Variants in MX2 observed in about 807,000 individuals in gnomAD.
The protein encoded by MX2 is interferon-induced GTP-binding protein Mx2.
In MX2, 51 loss-of-function variants were observed where a neutral mutation model predicts 74.0. The observed-to-expected ratio is 0.69, with a 90% CI of 0.55 to 0.87. MX2 has a LOEUF of 0.87. Among genes scored for constraint, MX2 ranks in the 40% least tolerant of loss-of-function variants. The pLI is 0.00. For synonymous variants in MX2, 369 were observed against 339.3 expected, an observed-to-expected ratio of 1.09 and a Z score of -0.96; for missense variants, 832 against 908.7, an observed-to-expected ratio of 0.92 and a Z score of 1.09.
intron 12 of MX2, 36 bp from the exon 13 acceptor site, chr21:41,406,702 GAAGAAA>G: frequency 6.3e-7 from 1 of 1,582,974 alleles, no homozygotes; most frequent in Non-Finnish European, 8.6e-7. Flanking sequence ...CAACAGGAAA[GAAGAAA>G]AAGAAGTAAT....
At position 41,366,767 on chromosome 21, in the gene MX2, A is replaced by C. The variant is rs901062789; in HGVS notation, c.-72+4712A>C. ...CTCTATCTTATCAGGAACCAGTTCT[A>C]GGTTCCTAACCTGGTCTGACCCCGG... On this transcript the variant is annotated intron_variant, in intron 1 of 13. Transcript: ENST00000330714. The surrounding 1 kb of genome is among the most constrained non-coding windows in gnomAD (Gnocchi z 4.5). 1 of 152,218 alleles carries C rather than the reference A, an allele frequency of 6.6e-6. No homozygotes were observed. Among genetic ancestry groups the C allele is most frequent in the Non-Finnish European group, 1.5e-5 (1 of 68,128 alleles). The allele number at this position is 152,218 out of a possible 1,614,324, so 9.4% of individuals were successfully genotyped here.
chr21:41,401,602 C>G (rs748915373), intron 10 of MX2: 49 of 164,842 alleles, frequency 3.0e-4, no homozygotes, highest in Middle Eastern at 2.9e-3. Context: ...TCTCGGACTC[C>G]TGGCCTCAAG....
At chr21:41,382,259 C>T (rs538784863) in intron 4 of MX2, 151 bp from the exon 5 acceptor site, 4 of 994,794 alleles carry the variant, frequency 4.0e-6, no homozygotes, top group South Asian at 1.8e-5. Flanking sequence ...TCTGAGATCC[C>T]TCTGCAGGCT....
At chr21:41,386,157 T>G (rs2089570442) in intron 5 of MX2, among the ~76,000 whole-genome samples, 1 of 136,406 alleles carries the variant, frequency 7.3e-6, no homozygotes, top group Admixed American at 8.1e-5. Context: ...GAGGCGGAGC[T>G]TGCAGTGAGC....
chr21:41,386,727 G>A (rs1289119953), intron 5 of MX2, among the ~76,000 whole-genome samples: 3 of 152,180 alleles, frequency 2.0e-5, no homozygotes, highest in African/African-American at 4.8e-5. Flanking sequence ...GGAATTCCTC[G>A]ATTCTTTGAC....
In MX2 at chr21:41,382,459, C is replaced by T. The variant is rs765510136; in HGVS notation, c.627C>T (p.Ile209=). 1 of 1,614,206 alleles carries T rather than the reference C, an allele frequency of 6.2e-7. No homozygotes were observed. The highest frequency in any genetic ancestry group is 8.5e-7 in the Non-Finnish European group (1 of 1,180,046). ...GCCGGGGCATCAGCCATGAGCTCAT[C>T]AGCCTGGAGATCACCTCCCCTGAGG... The part of the protein sequence containing the change: ...GNGRGISHEL[I]SLEITSPEVP... The change falls in exon 5 of 14, where the codon ATC becomes ATT. Residue 209 remains isoleucine (I), a synonymous_variant. Coordinates refer to ENST00000330714, the MANE Select transcript of MX2 (RefSeq NM_002463.2).
intron 12 of MX2, chr21:41,404,873 C>CAAAAAAA (rs547207365): frequency 2.2e-4 from 15 of 68,836 alleles, no homozygotes; most frequent in African/African-American, 4.4e-4. Context: ...CACATATACT[C>CAAAAAAA]AAAAAAAAAA....
chr21:41,372,591 A>G (rs2089339606), intron 1 of MX2, among the ~76,000 whole-genome samples: 2 of 152,170 alleles, frequency 1.3e-5, no homozygotes. Context: ...CTTCTCAACT[A>G]AAAGCTTCTA....
At chr21:41,373,028 A>G (rs889497786) in intron 1 of MX2, 14 of 152,220 alleles carry the variant, frequency 9.2e-5, no homozygotes, top group Non-Finnish European at 1.9e-4. Flanking sequence ...CTGGGGCCTT[A>G]TTGCAGCTGG....
At chr21:41,376,730 G>A (rs1368730439) in intron 1 of MX2, 106 bp from the exon 2 acceptor site, 3 of 790,516 alleles carry the variant, frequency 3.8e-6, no homozygotes, top group East Asian at 2.6e-5. Context: ...GCATCTGTGT[G>A]TAGGGGGTAG....
chr21:41,383,681 G>C (rs1292130578), intron 5 of MX2, among the ~76,000 whole-genome samples: 1 of 152,218 alleles, frequency 6.6e-6, no homozygotes, highest in African/African-American at 2.4e-5. Flanking sequence ...GCAGCCCTAA[G>C]AGCCTCCTGG....
chr21:41,403,369 G>A (rs776242245), intron 12 of MX2, 26 bp downstream of exon 12: 1 of 1,568,624 alleles, frequency 6.4e-7, no homozygotes, highest in South Asian at 1.1e-5. Flanking sequence ...TCACTTGCTA[G>A]TCACCTGGAC....
intron 4 of MX2, among the ~76,000 whole-genome samples, chr21:41,382,154 G>T (rs1371666193): frequency 6.6e-6 from 1 of 152,168 alleles, no homozygotes; most frequent in Non-Finnish European, 1.5e-5. Context: ...GAACCCATCC[G>T]CAGTCCCATA....
At chr21:41,372,904 T>C (rs1206458357) in intron 1 of MX2, 1 of 152,248 alleles carries the variant, frequency 6.6e-6, no homozygotes, top group East Asian at 1.9e-4. Flanking sequence ...GGAAATGCTT[T>C]CGCCATTTTT....
intron 1 of MX2, 85 bp from the exon 2 acceptor site, chr21:41,376,751 G>C (rs2089408088): frequency 3.1e-6 from 3 of 971,606 alleles, no homozygotes; most frequent in Admixed American, 4.3e-5. Flanking sequence ...GTTGTAGGGT[G>C]GGGTGAGGAG....
chr21:41,379,531 G>C (rs1220776405), intron 3 of MX2, among the ~76,000 whole-genome samples: 1 of 152,094 alleles, frequency 6.6e-6, no homozygotes, highest in Non-Finnish European at 1.5e-5. Flanking sequence ...GGGTTCCATG[G>C]CCCCTGGATG....
Position 41,397,623 on chromosome 21 carries a change from G to A in MX2, c.1081G>A (p.Glu361Lys). ...TCTGTCTCATTTCAGAGTTCTCCTG[G>A]AGGAGGGGTCAGCCACGGTTCCCCG... ...QTHPYFRVLL[E>K]EGSATVPRLA... Residue 361 changes from glutamate to lysine, a missense_variant, in exon 8 of 14, where the codon GAG becomes AAG. Transcript: ENST00000330714. The A allele has an allele frequency of 1.2e-6, 2 of 1,613,988 alleles. No homozygotes were observed.
At chr21:41,397,589 G>T (rs2089752593) in intron 7 of MX2, 24 bp from the exon 8 acceptor site, 1 of 1,605,708 alleles carries the variant, frequency 6.2e-7, no homozygotes, top group Non-Finnish European at 8.5e-7. Context: ...CTTCCTGAAT[G>T]CATGAATGTC....
In MX2 at chr21:41,402,137, T is replaced by A; in HGVS notation, c.1573+9T>A. 16 of 1,609,050 alleles carry A rather than the reference T, an allele frequency of 9.9e-6. No homozygotes were observed. The highest frequency in any genetic ancestry group is 1.4e-5 in the Non-Finnish European group (16 of 1,178,004). ...GCTCCAGAAAGCCATGGGTGAGGAC[T>A]TTCAAGCAGGACTCCCAAACCATCA... On this transcript the variant is annotated intron_variant, in intron 11 of 13. Transcript: ENST00000330714. The surrounding 1 kb of genome is among the most constrained non-coding windows in gnomAD (Gnocchi z 4.5).
Sources: gnomAD v4.1 joint callset for allele counts (sites outside exome capture counted in the v4.1 genomes callset) on GRCh38, gnomAD v4.1.1 for gene constraint, Gnocchi (gnomAD v3.1) non-coding constraint, MANE v1.5 for transcripts, NCBI Gene and HGNC (gene_info 2026-07-23, HGNC 2026-07-21) for gene names.